The following GUCY1A1 variants were observed in gnomAD, a reference collection of about 807,000 sequenced individuals.
GUCY1A1 encodes guanylate cyclase 1 soluble subunit alpha 1, also known as guanylate cyclase soluble subunit alpha-1.
GUCY1A1 carries 48 observed loss-of-function variants against 64.5 expected under a neutral mutation model. The observed-to-expected ratio is 0.74, with a 90% CI of 0.59 to 0.95. The LOEUF (loss-of-function observed/expected upper bound fraction) is 0.95. Ranked by LOEUF, GUCY1A1 falls within the 40% of genes least tolerant of loss-of-function variation. The pLI is 0.00. For synonymous variants in GUCY1A1, 308 were observed against 303.4 expected (o/e 1.02, Z -0.16); for missense variants, 804 against 825.3 (o/e 0.97, Z 0.32).
rs1293498903 is a variant in GUCY1A1, at chr4:155,736,997, T to G, written c.*6766T>G. On this transcript the variant is annotated 3_prime_UTR_variant, in exon 10 of 10. Coordinates refer to ENST00000506455, the MANE Select transcript of GUCY1A1 (RefSeq NM_001130682.3). ...ACCTCCTGTCTCAGAAGCTTGTTAG[T>G]TATTGTGCCACCTAAATATTGTAAT... 2 of 151,970 alleles carry G rather than the reference T, an allele frequency of 1.3e-5. No individual in the cohort carries two copies. The highest frequency in any genetic ancestry group is 1.3e-4 in the Admixed American group (2 of 15,230). 9.4% of individuals were successfully genotyped at this position (151,970 alleles called of 1,614,324 possible). A position where few individuals can be genotyped will look rare whatever the true frequency, so the allele number is the denominator to read the frequency against.
chr4:155,693,333 G>C (rs1205027392), intron 2 of GUCY1A1, among the ~76,000 whole-genome samples: 2 of 152,228 alleles, frequency 1.3e-5, no homozygotes, highest in East Asian at 3.9e-4. Flanking sequence ...GCCAAGGCCT[G>C]TCGCCAAATT....
chr4:155,703,940 G>A lies in GUCY1A1; in HGVS notation c.264G>A (p.Arg88=). 6.2e-7 allele frequency: 1 copy of A among 1,601,630 alleles called. No homozygotes were observed. The highest frequency in any genetic ancestry group is 8.5e-7 in the Non-Finnish European group (1 of 1,171,676). ...ICKLIFPEFE[R]LNVALQRTLA... ...TTCTTTTGAACTTTCAGTTTGAACG[G>A]CTGAATGTTGCACTTCAGAGAACAT... The change falls in exon 4 of 10, where the codon CGG becomes CGA. Residue 88 remains arginine (R), a synonymous_variant. Coordinates refer to ENST00000506455, the MANE Select transcript of GUCY1A1 (RefSeq NM_001130682.3).
chr4:155,682,318 T>C (rs1735889936), intron 2 of GUCY1A1, among the ~76,000 whole-genome samples: 1 of 152,222 alleles, frequency 6.6e-6, no homozygotes, highest in Non-Finnish European at 1.5e-5. Context: ...TTTAACTCTC[T>C]ATCTTTACTT....
intron 3 of GUCY1A1, among the ~76,000 whole-genome samples, chr4:155,703,708 C>G (rs1044046832): frequency 6.6e-6 from 1 of 152,186 alleles, no homozygotes; most frequent in African/African-American, 2.4e-5. Flanking sequence ...AACACATATC[C>G]AATCTCAGAT....
chr4:155,718,482 A>G (rs1733546811), intron 8 of GUCY1A1, among the ~76,000 whole-genome samples: 2 of 152,172 alleles, frequency 1.3e-5, no homozygotes, highest in Non-Finnish European at 2.9e-5. Context: ...GATAAGTCAT[A>G]GCAGGAATAC....
intron 9 of GUCY1A1, among the ~76,000 whole-genome samples, chr4:155,725,871 T>C (rs1381680218): frequency 6.6e-6 from 1 of 152,088 alleles, no homozygotes; most frequent in Non-Finnish European, 1.5e-5. Context: ...ATAGCATAGA[T>C]GGTGTTATCT....
intron 9 of GUCY1A1, among the ~76,000 whole-genome samples, chr4:155,722,724 T>A (rs770071993): frequency 6.6e-6 from 1 of 152,148 alleles, no homozygotes; most frequent in Non-Finnish European, 1.5e-5. Context: ...ACTTAGGGAA[T>A]TGCTATACTT....
In GUCY1A1 at chr4:155,730,386, GTAT is replaced by G. The variant is rs2110785192; in HGVS notation, c.*156_*158del. Reference sequence around the variant, plus strand: ...TTTCTCCTGTTTAACATGACAAAATGTATGTACTCACTTCAGTACTTCAGCTCT... The same window carrying G: ...TTTCTCCTGTTTAACATGACAAAATGGTACTCACTTCAGTACTTCAGCTCT... On this transcript the variant is annotated 3_prime_UTR_variant, in exon 10 of 10. Coordinates refer to ENST00000506455, the MANE Select transcript of GUCY1A1 (RefSeq NM_001130682.3). The G allele has an allele frequency of 1.1e-4, 8 of 72,100 alleles. No individual in the cohort carries two copies. The highest frequency in any genetic ancestry group is 9.3e-3 in the Middle Eastern group (1 of 108). 4.5% of individuals were successfully genotyped at this position (72,100 alleles called of 1,614,324 possible). A position where few individuals can be genotyped will look rare whatever the true frequency, so the allele number is the denominator to read the frequency against.
At chr4:155,711,844 G>C (rs893350176) in intron 6 of GUCY1A1, among the ~76,000 whole-genome samples, 6 of 152,000 alleles carry the variant, frequency 3.9e-5, no homozygotes, top group Admixed American at 2.0e-4. Context: ...TTTAACAGAA[G>C]CACCATTTGT....
At chr4:155,704,651 T>A (rs185566632) in intron 4 of GUCY1A1, among the ~76,000 whole-genome samples, 6 of 152,218 alleles carry the variant, frequency 3.9e-5, no homozygotes, top group Non-Finnish European at 5.9e-5. Flanking sequence ...TATACTTTTT[T>A]TCTAGTATTC....
intron 2 of GUCY1A1, among the ~76,000 whole-genome samples, chr4:155,684,020 C>A (rs1736192926): frequency 6.6e-6 from 1 of 152,124 alleles, no homozygotes; most frequent in African/African-American, 2.4e-5. Context: ...CTGTCATCTG[C>A]AAATGGAAGG....
intron 2 of GUCY1A1, among the ~76,000 whole-genome samples, chr4:155,681,400 C>T (rs1202600174): frequency 1.3e-5 from 2 of 152,182 alleles, no homozygotes; most frequent in African/African-American, 4.8e-5. Flanking sequence ...TTCTTTCAAA[C>T]TTGCTGTTTC....
chr4:155,668,077 C>A lies in GUCY1A1; in HGVS notation c.-113+658C>A, dbSNP rs1362591016. ...GATTTACTGCTTAGCAGTCCCATTTCTGTTTTCGTTAGGACTGCGGCTCTT... is the reference window on the plus strand; with the variant it reads ...GATTTACTGCTTAGCAGTCCCATTTATGTTTTCGTTAGGACTGCGGCTCTT... On this transcript the variant is annotated intron_variant, in intron 2 of 9. Transcript: ENST00000506455. 2.0e-5 allele frequency: 3 copies of A among 152,324 alleles called. No homozygotes were observed. In the East Asian group the frequency reaches 5.8e-4, roughly 29 times the overall value. 9.4% of individuals were successfully genotyped at this position (152,324 alleles called of 1,614,324 possible).
At chr4:155,672,013 C>G (rs2705435) in intron 2 of GUCY1A1, among the ~76,000 whole-genome samples, 23,566 of 125,720 alleles carry the variant, frequency 0.19, 2,517 homozygotes, top group Non-Finnish European at 0.25. Flanking sequence ...ACTCTTCCCC[C>G]CTCCGTTTTT....
intron 2 of GUCY1A1, among the ~76,000 whole-genome samples, chr4:155,685,923 C>T (rs576651123): frequency 6.6e-6 from 1 of 152,296 alleles, no homozygotes; most frequent in East Asian, 1.9e-4. Flanking sequence ...CACAAGGTCA[C>T]TCCTTCCTTC....
Position 155,711,229 on chromosome 4 carries a change from A to G in GUCY1A1, c.1064A>G (p.Asn355Ser), listed in dbSNP as rs773471800. 1.0e-5 allele frequency: 16 copies of G among 1,581,574 alleles called. No individual in the cohort carries two copies. The South Asian group carries it at 1.8e-4, about 18-fold the overall frequency. ...GTTGTACGAGTGAGGAGATGGGACAACTCTGTGAAAAAATCTTCAAGGGTA... is the reference window on the plus strand; with the variant it reads ...GTTGTACGAGTGAGGAGATGGGACAGCTCTGTGAAAAAATCTTCAAGGGTA... ...QFVVRVRRWD[N>S]SVKKSSRVMD... The change falls in exon 6 of 10, where the codon AAC becomes AGC. Residue 355 changes from asparagine (N) to serine (S), a missense_variant. Transcript: ENST00000506455.
intron 3 of GUCY1A1, among the ~76,000 whole-genome samples, chr4:155,701,675 A>T (rs1457140747): frequency 2.0e-5 from 3 of 151,924 alleles, no homozygotes; most frequent in Non-Finnish European, 4.4e-5. Context: ...ATGGTGGCTC[A>T]TACTTGTAGT....
intron 3 of GUCY1A1, among the ~76,000 whole-genome samples, chr4:155,697,543 A>G (rs1730577260): frequency 6.6e-6 from 1 of 152,194 alleles, no homozygotes; most frequent in African/African-American, 2.4e-5. Flanking sequence ...AAATTCTTCA[A>G]AGAATAACTT....
chr4:155,728,228 C>A (rs1579134542), intron 9 of GUCY1A1, among the ~76,000 whole-genome samples: 1 of 151,822 alleles, frequency 6.6e-6, no homozygotes, highest in African/African-American at 2.4e-5. Flanking sequence ...GGTAAACCAG[C>A]TTTGGAGGAT....
Sources: allele counts gnomAD v4.1 joint callset (sites outside exome capture counted in the v4.1 genomes callset), GRCh38; gene constraint gnomAD v4.1.1; transcripts MANE v1.5; gene names NCBI Gene and HGNC (gene_info 2026-07-23, HGNC 2026-07-21).